CWC22: variants seen among roughly 807,000 people sequenced by gnomAD.
The protein encoded by CWC22 is pre-mRNA-splicing factor CWC22 homolog.
In CWC22, 53 loss-of-function variants were observed where a neutral mutation model predicts 117.2. That is an observed-to-expected ratio of 0.45 (90% CI 0.36 to 0.57). CWC22 has a LOEUF of 0.57. Ranked by LOEUF, CWC22 falls within the 20% of genes least tolerant of loss-of-function variation. CWC22 has a pLI of 0.00. For missense variants in CWC22, 980 were observed against 1,068.8 expected (o/e 0.92, Z 1.16); for synonymous variants, 360 against 355.6 (o/e 1.01, Z -0.14).
chr2:179,982,405 A>G (rs1405859470), intron 4 of CWC22, among the ~76,000 whole-genome samples: 1 of 152,192 alleles, frequency 6.6e-6, no homozygotes, highest in Non-Finnish European at 1.5e-5. Flanking sequence ...AGGTTTTTAT[A>G]CTGGAGGTGA....
At chr2:179,980,733 C>A (rs1687265375) in intron 5 of CWC22, among the ~76,000 whole-genome samples, 1 of 152,150 alleles carries the variant, frequency 6.6e-6, no homozygotes, top group South Asian at 2.1e-4. Flanking sequence ...GCTTCTCAAG[C>A]ACTTTTCAAA....
chr2:179,970,566 A>T lies in CWC22; in HGVS notation c.1148-3T>A. 1 of 1,543,044 alleles carries T rather than the reference A, an allele frequency of 6.5e-7. No individual in the cohort carries two copies. On this transcript the variant is annotated splice_polypyrimidine_tract_variant and splice_region_variant and intron_variant, in intron 10 of 19. Transcript: ENST00000410053. ...ATTAGGATCCATCTTGAAAACATCT[A>T]AAAAAAATGTAAAAGTTAATGTTTA...
intron 1 of CWC22, among the ~76,000 whole-genome samples, chr2:180,000,723 T>C (rs959428465): frequency 6.6e-6 from 1 of 152,028 alleles, no homozygotes; most frequent in Admixed American, 6.5e-5. Context: ...CTGTAAGAAG[T>C]AAGTAATATA....
chr2:179,999,647 G>A (rs1164901834), intron 1 of CWC22, among the ~76,000 whole-genome samples: 1 of 152,112 alleles, frequency 6.6e-6, no homozygotes, highest in East Asian at 1.9e-4. Flanking sequence ...TGTCACTTCG[G>A]TGTTCTCAGT....
intron 19 of CWC22, among the ~76,000 whole-genome samples, chr2:179,948,672 C>T (rs900030080): frequency 1.3e-5 from 2 of 152,052 alleles, no homozygotes; most frequent in African/African-American, 4.8e-5. Context: ...AAGGAGAAAA[C>T]ATCAGACGAA....
chr2:179,999,308 A>G (rs906785953), intron 1 of CWC22, among the ~76,000 whole-genome samples: 3 of 152,146 alleles, frequency 2.0e-5, no homozygotes, highest in African/African-American at 7.2e-5. Flanking sequence ...CACTATGTGA[A>G]TTTTATGGTG....
At chr2:179,964,751 C>A in intron 12 of CWC22, 123 bp from the exon 13 acceptor site, 1 of 556,196 alleles carries the variant, frequency 1.8e-6, no homozygotes, top group South Asian at 2.6e-5. Context: ...ATAATATTAT[C>A]TTTTTACTGT....
intron 1 of CWC22, among the ~76,000 whole-genome samples, chr2:179,998,610 A>G (rs1687768293): frequency 6.6e-6 from 1 of 152,178 alleles, no homozygotes; most frequent in African/African-American, 2.4e-5. Flanking sequence ...AAACAAGTAC[A>G]GACTCTACTA....
At chr2:179,994,935 T>C (rs556319584) in intron 1 of CWC22, among the ~76,000 whole-genome samples, 23 of 152,236 alleles carry the variant, frequency 1.5e-4, no homozygotes, top group Non-Finnish European at 2.8e-4. Flanking sequence ...GCAAACACAG[T>C]GAAACCCCGT....
chr2:179,973,730 T>C lies in CWC22; in HGVS notation c.654A>G (p.Leu218=). 2 of 1,610,012 alleles carry C rather than the reference T, an allele frequency of 1.2e-6. No homozygotes were observed. The highest frequency in any genetic ancestry group is 1.7e-6 in the Non-Finnish European group (2 of 1,176,576). ...GAAATTTTGAGTTGATAATTGCCAC[T>C]AATGCTGCATAAACATGGGTGAAGA... is the stretch of plus-strand genomic sequence containing the variant. The part of the protein sequence containing the change: ...SPIFTHVYAA[L]VAIINSKFPQ... Residue 218 remains leucine, a synonymous_variant, in exon 7 of 20, where the codon TTA becomes TTG. Coordinates refer to ENST00000410053, the MANE Select transcript of CWC22 (RefSeq NM_020943.3).
At chr2:179,956,664 TGTAA>T (rs1686599503) in intron 14 of CWC22, among the ~76,000 whole-genome samples, 1 of 151,236 alleles carries the variant, frequency 6.6e-6, no homozygotes, top group Non-Finnish European at 1.5e-5. Context: ...TTTATAAATG[TGTAA>T]GTTCTGAAAA....
chr2:179,947,537 CA>C (rs1686340888), intron 19 of CWC22, among the ~76,000 whole-genome samples: 1 of 152,202 alleles, frequency 6.6e-6, no homozygotes, highest in South Asian at 2.1e-4. Context: ...TATGAGAAGG[CA>C]AATTAATTTT....
chr2:179,995,189 G>C (rs1159670677), intron 1 of CWC22, among the ~76,000 whole-genome samples: 5 of 152,166 alleles, frequency 3.3e-5, no homozygotes, highest in South Asian at 2.1e-4. Context: ...GTCTATCTAG[G>C]ACCTTATTAT....
chr2:179,981,614 G>T, intron 5 of CWC22, 138 bp downstream of exon 5: 1 of 656,222 alleles, frequency 1.5e-6, no homozygotes, highest in Non-Finnish European at 2.6e-6. Flanking sequence ...GAGCTATAAA[G>T]TAAAGAGGTC....
chr2:179,968,504 A>AAT (rs1464289343), intron 11 of CWC22, among the ~76,000 whole-genome samples: 3 of 151,650 alleles, frequency 2.0e-5, no homozygotes, highest in Non-Finnish European at 4.4e-5. Context: ...AATTTTATAA[A>AAT]ATATATATAT....
intron 13 of CWC22, among the ~76,000 whole-genome samples, chr2:179,962,668 T>C (rs1406030704): frequency 2.0e-5 from 3 of 152,138 alleles, no homozygotes; most frequent in Admixed American, 1.3e-4. Flanking sequence ...AACAATTCTG[T>C]ATATAATTAT....
intron 11 of CWC22, among the ~76,000 whole-genome samples, chr2:179,967,357 T>C (rs1333295764): frequency 2.0e-5 from 3 of 152,208 alleles, no homozygotes; most frequent in Non-Finnish European, 2.9e-5. Context: ...GCAAGGACAA[T>C]TGGATTTCAT....
chr2:179,981,609 ATAAAG>A, intron 5 of CWC22, 138 bp downstream of exon 5: 3 of 637,620 alleles, frequency 4.7e-6, no homozygotes, highest in South Asian at 4.1e-5. Context: ...CAATGGAGCT[ATAAAG>A]TAAAGAGGTC....
At chr2:179,954,397 T>A in intron 15 of CWC22, 40 bp from the exon 16 acceptor site, 1 of 1,266,226 alleles carries the variant, frequency 7.9e-7, no homozygotes, top group Non-Finnish European at 1.1e-6. Context: ...AATTGAATGT[T>A]AATACAATTA....
Sources: allele counts gnomAD v4.1 joint callset (sites outside exome capture counted in the v4.1 genomes callset), GRCh38; gene constraint gnomAD v4.1.1; transcripts MANE v1.5; gene names NCBI Gene and HGNC (gene_info 2026-07-23, HGNC 2026-07-21).